Variants in ETV6 observed in about 807,000 individuals in gnomAD.
ETV6 encodes the protein transcription factor ETV6.
In ETV6, 16 loss-of-function variants were observed where a neutral mutation model predicts 51.1. That is an observed-to-expected ratio of 0.31 (90% confidence interval 0.21 to 0.48). ETV6 has a LOEUF of 0.48. Among genes scored for constraint, ETV6 ranks in the 20% least tolerant of loss-of-function variants. The pLI, the probability that ETV6 is intolerant of heterozygous loss-of-function variation, is 0.99. For synonymous variants in ETV6, 240 were observed against 224.1 expected (o/e 1.07, Z -0.64); for missense variants, 458 against 594.8 (o/e 0.77, Z 2.39).
At chr12:11,655,781 A>G (rs1166402897) in intron 1 of ETV6, among the ~76,000 whole-genome samples, 4 of 151,990 alleles carry the variant, frequency 2.6e-5, no homozygotes. Context: ...AGTGTGGACG[A>G]GGGGCTTGAT....
chr12:11,813,509 G>C (rs1945945169), intron 2 of ETV6, among the ~76,000 whole-genome samples: 1 of 152,210 alleles, frequency 6.6e-6, no homozygotes, highest in Non-Finnish European at 1.5e-5. Flanking sequence ...CAACAGAGTA[G>C]ATTTCATGTT....
intron 1 of ETV6, among the ~76,000 whole-genome samples, chr12:11,663,216 T>G (rs535252648): frequency 1.3e-5 from 2 of 152,300 alleles, no homozygotes; most frequent in East Asian, 3.9e-4. Context: ...AGTAGCTTCC[T>G]GGATTAGGGA....
At chr12:11,757,042 C>T (rs1387490137) in intron 2 of ETV6, among the ~76,000 whole-genome samples, 5 of 152,130 alleles carry the variant, frequency 3.3e-5, no homozygotes. Flanking sequence ...ACGTAGGACT[C>T]ATTCATCATA....
chr12:11,766,536 C>A (rs1945163625), intron 2 of ETV6, among the ~76,000 whole-genome samples: 1 of 152,190 alleles, frequency 6.6e-6, no homozygotes, highest in African/African-American at 2.4e-5. Context: ...TTCCTCCCAC[C>A]CCCGCCATTA....
In ETV6 at chr12:11,879,661, T is replaced by C. The variant is rs560415268; in HGVS notation, c.1010-4784T>C. On this transcript the variant is annotated intron_variant, in intron 5 of 7. Transcript: ENST00000396373. ...CTCATGGAAAAGAAAATCCAAATAGTGGAAATTTCTTTAAAATATCCATGT... is the reference window on the plus strand; with the variant it reads ...CTCATGGAAAAGAAAATCCAAATAGCGGAAATTTCTTTAAAATATCCATGT... Among the ~76,000 whole-genome samples, 240 of 152,324 alleles carry C rather than the reference T, an allele frequency of 1.6e-3. 1 individual carries two copies. The highest frequency in any genetic ancestry group is 5.4e-3 in the African/African-American group (224 of 41,578).
chr12:11,662,181 A>G (rs920758112), intron 1 of ETV6, among the ~76,000 whole-genome samples: 8 of 152,178 alleles, frequency 5.3e-5, no homozygotes, highest in African/African-American at 1.9e-4. Context: ...CAGCAAGTAT[A>G]TTTACTTATC....
intron 3 of ETV6, among the ~76,000 whole-genome samples, chr12:11,839,656 A>C (rs1946363279): frequency 6.6e-6 from 1 of 152,174 alleles, no homozygotes. Flanking sequence ...AAGGAGGGTG[A>C]ATTGCTTGAG....
At chr12:11,713,603 G>A (rs1321686605) in intron 1 of ETV6, among the ~76,000 whole-genome samples, 1 of 152,142 alleles carries the variant, frequency 6.6e-6, no homozygotes, top group Non-Finnish European at 1.5e-5. Context: ...CTGTTCAAAT[G>A]TCTTCCACTC....
intron 2 of ETV6, among the ~76,000 whole-genome samples, chr12:11,758,614 CTTCCCG>C (rs1477832724): frequency 3.9e-5 from 6 of 152,192 alleles, no homozygotes; most frequent in African/African-American, 1.4e-4. Flanking sequence ...CTGGAACTTT[CTTCCCG>C]TTCTCGCCTG....
intron 2 of ETV6, among the ~76,000 whole-genome samples, chr12:11,799,062 G>A (rs1363188821): frequency 6.6e-6 from 1 of 152,230 alleles, no homozygotes; most frequent in African/African-American, 2.4e-5. Context: ...GGAACTTCCT[G>A]TGGAGGAGTG....
intron 2 of ETV6, among the ~76,000 whole-genome samples, chr12:11,796,777 T>TGTGTG (rs199766939): frequency 5.8e-5 from 6 of 103,688 alleles, no homozygotes; most frequent in African/African-American, 2.0e-4. Context: ...TTTTTTTTTT[T>TGTGTG]TTTGTGTGTG....
At chr12:11,667,276 A>G (rs1437045454) in intron 1 of ETV6, among the ~76,000 whole-genome samples, 6 of 152,186 alleles carry the variant, frequency 3.9e-5, no homozygotes, top group Admixed American at 6.5e-5. Flanking sequence ...AGTTTCCTCC[A>G]TGAATGCTAC....
chr12:11,655,042 C>T (rs1290456306), intron 1 of ETV6, among the ~76,000 whole-genome samples: 1 of 152,160 alleles, frequency 6.6e-6, no homozygotes, highest in African/African-American at 2.4e-5. Flanking sequence ...CTGAGTGCAG[C>T]TGTATTTGTG....
intron 1 of ETV6, among the ~76,000 whole-genome samples, chr12:11,662,941 C>T (rs1864127060): frequency 6.6e-6 from 1 of 152,178 alleles, no homozygotes; most frequent in Admixed American, 6.5e-5. Context: ...CTTCTTGCTG[C>T]ACACCAGCCA....
At chr12:11,838,991 C>A in intron 2 of ETV6, 149 bp from the exon 3 acceptor site, 1 of 818,642 alleles carries the variant, frequency 1.2e-6, no homozygotes, top group Non-Finnish European at 1.8e-6. Flanking sequence ...CAAACAAGGG[C>A]TGGAGAGGGG....
rs1947323073 is a variant in ETV6, at chr12:11,893,255, T to TATGA, written c.*2212_*2215dup. The TATGA allele has an allele frequency of 4.3e-6, 1 of 232,564 alleles. No homozygotes were observed. The highest frequency in any genetic ancestry group is 2.2e-5 in the African/African-American group (1 of 45,290). 14.4% of individuals were successfully genotyped at this position (232,564 alleles called of 1,614,324 possible). A position where few individuals can be genotyped will look rare whatever the true frequency, so the allele number is the denominator to read the frequency against. On this transcript the variant is annotated 3_prime_UTR_variant, in exon 8 of 8. Coordinates refer to ENST00000396373, the MANE Select transcript of ETV6 (RefSeq NM_001987.5). ...AGGGATTTTTTACTGCATCCCTCTGTATGAATATGAAATCAGAGACCAGGG... is the reference window on the plus strand; with the variant it reads ...AGGGATTTTTTACTGCATCCCTCTGTATGAATGAATATGAAATCAGAGACCAGGG...
At chr12:11,725,062 C>T in intron 1 of ETV6, among the ~76,000 whole-genome samples, 1 of 152,150 alleles carries the variant, frequency 6.6e-6, no homozygotes, top group East Asian at 1.9e-4. Context: ...CCCACTTCCC[C>T]ATCAGCTTCA....
chr12:11,742,752 C>A (rs1251037557), intron 1 of ETV6, among the ~76,000 whole-genome samples: 10 of 151,196 alleles, frequency 6.6e-5, no homozygotes, highest in African/African-American at 2.4e-4. Context: ...ACCTTTGTTG[C>A]AAGAAGATCA....
chr12:11,837,923 A>G (rs1946339258), intron 2 of ETV6, among the ~76,000 whole-genome samples: 1 of 152,270 alleles, frequency 6.6e-6, no homozygotes, highest in Non-Finnish European at 1.5e-5. Context: ...TAGTTACCAT[A>G]TTATTACATA....
Sources: allele counts gnomAD v4.1 joint callset (sites outside exome capture counted in the v4.1 genomes callset), GRCh38; gene constraint gnomAD v4.1.1; transcripts MANE v1.5; gene names NCBI Gene and HGNC (gene_info 2026-07-23, HGNC 2026-07-21).